XKR4: variants seen among roughly 807,000 people sequenced by gnomAD.
The protein encoded by XKR4 is XK related 4.
A neutral mutation model predicts 53.9 loss-of-function variants in XKR4; 12 were observed. The ratio of observed to expected loss-of-function variants is 0.22; its 90% CI spans 0.14 to 0.36. XKR4 has a LOEUF of 0.36. XKR4 is among the 10% of genes least tolerant of loss of function. The probability of loss-of-function intolerance (pLI) is 1.00; values close to 1 mark genes in which losing one functional copy is unlikely to be tolerated. For synonymous variants in XKR4, 354 were observed against 362.4 expected (o/e 0.98, Z 0.26); for missense variants, 799 against 859.5 (o/e 0.93, Z 0.88).
rs115976070 is a variant in XKR4 at position 55,505,405 on chromosome 8, G to T, written c.1007-17876G>T. 5.4e-3 allele frequency among the ~76,000 whole-genome samples: 819 copies of T among 151,932 alleles called. 7 individuals are homozygous for T. Among genetic ancestry groups the T allele is most frequent in the African/African-American group, 0.019 (783 of 41,442 alleles). ...AAATAAAATAAAATAAAATAAAATAGCCAGGCATGATGGCACACACCCATA... is the reference window on the plus strand; with the variant it reads ...AAATAAAATAAAATAAAATAAAATATCCAGGCATGATGGCACACACCCATA... On this transcript the variant is annotated intron_variant, in intron 2 of 2. Transcript: ENST00000327381.
chr8:55,415,534 G>T (rs970196762), intron 2 of XKR4, among the ~76,000 whole-genome samples: 3 of 151,976 alleles, frequency 2.0e-5, no homozygotes, highest in South Asian at 2.1e-4. Context: ...CTGAGTCTTT[G>T]GATAGAGAAA....
intron 2 of XKR4, chr8:55,453,503 G>A: frequency 2.6e-6 from 1 of 389,906 alleles, no homozygotes; most frequent in Non-Finnish European, 5.1e-6. Context: ...CAGCTGCCCT[G>A]GGCTCTTGAC....
intron 1 of XKR4, among the ~76,000 whole-genome samples, chr8:55,351,148 T>TA (rs1284939727): frequency 6.6e-6 from 1 of 152,196 alleles, no homozygotes; most frequent in African/African-American, 2.4e-5. Flanking sequence ...CTTAAAATAA[T>TA]TAGGACGGTA....
chr8:55,302,715 C>T (rs1207678810), intron 1 of XKR4, among the ~76,000 whole-genome samples: 1 of 152,030 alleles, frequency 6.6e-6, no homozygotes, highest in Admixed American at 6.6e-5. Flanking sequence ...CCTTCACATC[C>T]CTTGTAAGTT....
chr8:55,435,920 G>T (rs1037810689), intron 2 of XKR4, among the ~76,000 whole-genome samples: 8 of 152,092 alleles, frequency 5.3e-5, no homozygotes, highest in Non-Finnish European at 1.2e-4. Flanking sequence ...ATTTTCAAAG[G>T]ACTGCTAGTG....
intron 2 of XKR4, among the ~76,000 whole-genome samples, chr8:55,367,953 T>C (rs1328317206): frequency 6.6e-6 from 1 of 151,834 alleles, no homozygotes; most frequent in African/African-American, 2.4e-5. Flanking sequence ...TTTTGTTTTG[T>C]TTTTGTTTTT....
chr8:55,316,017 A>G (rs1819469123), intron 1 of XKR4, among the ~76,000 whole-genome samples: 1 of 152,206 alleles, frequency 6.6e-6, no homozygotes, highest in African/African-American at 2.4e-5. Context: ...GGCTAGAAGA[A>G]GCCAAAAACA....
chr8:55,102,326 G>A lies in XKR4; in HGVS notation c.-163G>A. 1 of 982,008 alleles carries A rather than the reference G, an allele frequency of 1.0e-6. No individual in the cohort carries two copies. The highest frequency in any genetic ancestry group is 1.2e-6 in the Non-Finnish European group (1 of 805,810). The allele number at this position is 982,008 out of a possible 1,614,324, so 60.8% of individuals were successfully genotyped here. A position where few individuals can be genotyped will look rare whatever the true frequency, so the allele number is the denominator to read the frequency against. ...CGGCCCAGCGCCCAGCCCGGCGGGC[G>A]GCGGGCGGCGGCGGACGGCAGGCGA... On this transcript the variant is annotated 5_prime_UTR_variant, in exon 1 of 3. Transcript: ENST00000327381. The surrounding 1 kb of genome is among the most constrained non-coding windows in gnomAD (Gnocchi z 5.1).
At chr8:55,377,012 G>C (rs1394268141) in intron 2 of XKR4, among the ~76,000 whole-genome samples, 3 of 150,758 alleles carry the variant, frequency 2.0e-5, no homozygotes, top group Non-Finnish European at 4.4e-5. Flanking sequence ...AAATATACCT[G>C]GTGTAACAGG....
intron 2 of XKR4, chr8:55,449,749 G>C: frequency 1.0e-6 from 1 of 1,000,138 alleles, no homozygotes; most frequent in South Asian, 1.3e-5. Flanking sequence ...AGCGTAGCTG[G>C]TGCTTGGTCT....
rs147322392 is a variant in XKR4 at position 55,218,656 on chromosome 8, GT to G, written c.806+115367del. Among the ~76,000 whole-genome samples the G allele has an allele frequency of 8.6e-3, 1,309 of 152,286 alleles. 13 individuals are homozygous for G. The highest frequency in any genetic ancestry group is 0.031 in the Middle Eastern group (9 of 294). On this transcript the variant is annotated intron_variant, in intron 1 of 2. Transcript: ENST00000327381. Reference sequence around the variant, plus strand: ...CAATGTGTATGGGCCCATAGGCCTTGTTTTTCCTTATGATATAAACTTTCAT... The same window carrying G: ...CAATGTGTATGGGCCCATAGGCCTTGTTTTCCTTATGATATAAACTTTCAT...
At chr8:55,364,118 G>A (rs1803939067) in intron 2 of XKR4, among the ~76,000 whole-genome samples, 1 of 152,274 alleles carries the variant, frequency 6.6e-6, no homozygotes, top group African/African-American at 2.4e-5. Context: ...CACCTGCTCC[G>A]GGAAGGGGCC....
At chr8:55,333,559 TA>T (rs1803409590) in intron 1 of XKR4, among the ~76,000 whole-genome samples, 1 of 152,314 alleles carries the variant, frequency 6.6e-6, no homozygotes, top group African/African-American at 2.4e-5. Flanking sequence ...TTAGCTGTTC[TA>T]TTGTATTTCT....
chr8:55,341,003 G>C (rs936169042), intron 1 of XKR4, among the ~76,000 whole-genome samples: 1 of 152,180 alleles, frequency 6.6e-6, no homozygotes, highest in Non-Finnish European at 1.5e-5. Context: ...ATTCTGGGGT[G>C]TTTGAGCATG....
intron 2 of XKR4, among the ~76,000 whole-genome samples, chr8:55,417,097 T>A (rs1331035600): frequency 6.6e-6 from 1 of 152,132 alleles, no homozygotes; most frequent in Non-Finnish European, 1.5e-5. Context: ...GGTCCCCAGG[T>A]GATTTAATGA....
Position 55,237,186 on chromosome 8 carries a change from G to C in XKR4, c.807-120492G>C, listed in dbSNP as rs116896851. The stretch of plus-strand genomic sequence containing the variant: ...TCGCGGAGATGAATTCCTTGGGGAG[G>C]TGAGTGGGTGCAACAGAGAATACAG... On this transcript the variant is annotated intron_variant, in intron 1 of 2. Coordinates refer to ENST00000327381, the MANE Select transcript of XKR4 (RefSeq NM_052898.2). 8.8e-3 allele frequency among the ~76,000 whole-genome samples: 1,333 copies of C among 152,304 alleles called. 14 individuals are homozygous for C. Among genetic ancestry groups the C allele is most frequent in the Middle Eastern group, 0.031 (9 of 294 alleles).
chr8:55,104,873 T>G (rs1274449776), intron 1 of XKR4, among the ~76,000 whole-genome samples: 21 of 152,242 alleles, frequency 1.4e-4, no homozygotes, highest in Admixed American at 1.4e-3. Context: ...GATGAAGGAC[T>G]TAAGTGCTTA....
At chr8:55,154,610 T>C (rs1239840455) in intron 1 of XKR4, among the ~76,000 whole-genome samples, 4 of 152,188 alleles carry the variant, frequency 2.6e-5, no homozygotes, top group African/African-American at 9.7e-5. Context: ...GCTTTAGACT[T>C]TGACAACATT....
At chr8:55,130,891 G>A (rs1816543930) in intron 1 of XKR4, among the ~76,000 whole-genome samples, 1 of 152,048 alleles carries the variant, frequency 6.6e-6, no homozygotes, top group Non-Finnish European at 1.5e-5. Flanking sequence ...CTCTTGCGGT[G>A]GCTCACGTCT....
Sources: allele counts gnomAD v4.1 joint callset (sites outside exome capture counted in the v4.1 genomes callset), GRCh38; gene constraint gnomAD v4.1.1; non-coding constraint Gnocchi (gnomAD v3.1); transcripts MANE v1.5; gene names NCBI Gene and HGNC (gene_info 2026-07-23, HGNC 2026-07-21).